Variants in NEK8 observed in about 807,000 individuals in gnomAD.
The protein encoded by NEK8 is NIMA related kinase 8.
A neutral mutation model predicts 77.2 loss-of-function variants in NEK8; 51 were observed. The observed-to-expected ratio is 0.66, with a 90% CI of 0.53 to 0.83. NEK8 has a LOEUF of 0.83. Among genes scored for constraint, NEK8 ranks in the 40% least tolerant of loss-of-function variants. The pLI, the probability that NEK8 is intolerant of heterozygous loss-of-function variation, is 0.00. For synonymous variants in NEK8, 365 were observed against 363.2 expected, an observed-to-expected ratio of 1.00 and a Z score of -0.06; for missense variants, 787 against 909.2, an observed-to-expected ratio of 0.87 and a Z score of 1.73.
chr17:28,734,988 A>G lies in NEK8; in HGVS notation c.470A>G (p.Lys157Arg). The change falls in exon 3 of 15, where the codon AAG (lysine) becomes AGG (arginine). Residue 157 changes from lysine to arginine, a missense_variant. Physicochemically the swap from Lys to Arg is conservative, Grantham distance 26. This residue lies in a region of NEK8 where 271 missense variants were observed against 365.1 expected (regional missense o/e 0.74). Coordinates refer to ENST00000268766, the MANE Select transcript of NEK8 (RefSeq NM_178170.3). ...GGCATCTCCAAGATCCTTAGCAGCA[A>G]GAGCAAGGCCTACACGGTGCCTGGG... Reference protein sequence around the residue: ...DFGISKILSSKSKAYTVVGTP... With the variant: ...DFGISKILSSRSKAYTVVGTP... The G allele has an allele frequency of 1.2e-6, 2 of 1,612,136 alleles. No homozygotes were observed. The highest frequency in any genetic ancestry group is 1.7e-6 in the Non-Finnish European group (2 of 1,179,634).
In NEK8 at chr17:28,737,688, G is replaced by A. The variant is rs746614881; in HGVS notation, c.841G>A (p.Val281Met). ...SVRMRRAEKS[V>M]APSNTGSRTT... is the part of the protein sequence containing the mutation. The stretch of plus-strand genomic sequence containing the variant: ...TCTGTCCTGCAGGGCAGAGAAGTCC[G>A]TGGCCCCCAGCAACACAGGGAGCAG... The change falls in exon 6 of 15, where the codon GTG (valine) becomes ATG (methionine). Residue 281 changes from valine (V) to methionine (M), a missense_variant. This residue lies in a region of NEK8 where 271 missense variants were observed against 365.1 expected (regional missense o/e 0.74). Coordinates refer to ENST00000268766, the MANE Select transcript of NEK8 (RefSeq NM_178170.3). The surrounding 1 kb of genome is among the most constrained non-coding windows in gnomAD (Gnocchi z 4.8). The A allele has an allele frequency of 2.3e-5, 37 of 1,614,056 alleles. No individual in the cohort carries two copies. Among genetic ancestry groups the A allele is most frequent in the Admixed American group, 6.7e-5 (4 of 60,000 alleles).
Position 28,740,395 on chromosome 17 carries a change from G to T in NEK8, c.1418-68G>T, listed in dbSNP as rs1018333422. On this transcript the variant is annotated intron_variant, in intron 10 of 14. Coordinates refer to ENST00000268766, the MANE Select transcript of NEK8 (RefSeq NM_178170.3). This position sits in a 1 kb window ranked among gnomAD's most constrained non-coding sequence, Gnocchi z 4.7. Reference sequence around the variant, plus strand: ...CTCATGCTGTTCCCTCCCCTCAGTGGGCCCTCCTCATTCGGGCATCACCCC... The same window carrying T: ...CTCATGCTGTTCCCTCCCCTCAGTGTGCCCTCCTCATTCGGGCATCACCCC... 2.9e-5 allele frequency: 40 copies of T among 1,384,084 alleles called. No individual in the cohort carries two copies. The highest frequency in any genetic ancestry group is 4.6e-5 in the South Asian group (4 of 86,160). 85.7% of individuals were successfully genotyped at this position (1,384,084 alleles called of 1,614,324 possible).
chr17:28,737,978 C>A lies in NEK8; in HGVS notation c.1049C>A (p.Ser350Tyr). Reference sequence around the variant, plus strand: ...ACGCAGAAAGCCGGCGTCACGCGCTCTGGGCGTCTCATCCTGTGGGAGGTG... The same window carrying A: ...ACGCAGAAAGCCGGCGTCACGCGCTATGGGCGTCTCATCCTGTGGGAGGTG... ...GRTQKAGVTR[S>Y]GRLILWEAPP... The change falls in exon 7 of 15, where the codon TCT (serine) becomes TAT (tyrosine). Residue 350 changes from serine to tyrosine, a missense_variant. This residue lies in a region of NEK8 where 516 missense variants were observed against 544.0 expected (regional missense o/e 0.95). Coordinates refer to ENST00000268766, the MANE Select transcript of NEK8 (RefSeq NM_178170.3). This position sits in a 1 kb window ranked among gnomAD's most constrained non-coding sequence, Gnocchi z 4.8. 1 of 1,611,948 alleles carries A rather than the reference C, an allele frequency of 6.2e-7. No individual in the cohort carries two copies. Among genetic ancestry groups the A allele is most frequent in the Non-Finnish European group, 8.5e-7 (1 of 1,178,776 alleles).
In NEK8 at chr17:28,737,823, C is replaced by G; in HGVS notation, c.894C>G (p.Ile298Met). ...CCCCATGCACTGTACCTGCAGGTAT[C>G]CCCCGGGGACCTGTGAGGCCAGCCA... The part of the protein sequence containing the change: ...SRTTSVRCRG[I>M]PRGPVRPAIP... Residue 298 changes from isoleucine to methionine, a missense_variant, in exon 7 of 15, where the codon ATC becomes ATG. Ile to Met is a conservative substitution (Grantham distance 10). This residue lies in a region of NEK8 where 516 missense variants were observed against 544.0 expected (regional missense o/e 0.95). Transcript: ENST00000268766. This position sits in a 1 kb window ranked among gnomAD's most constrained non-coding sequence, Gnocchi z 4.8. The G allele has an allele frequency of 6.2e-7, 1 of 1,614,112 alleles. No individual in the cohort carries two copies.
At chr17:28,739,316 C>G in intron 10 of NEK8, 115 bp downstream of exon 10, 1 of 804,010 alleles carries the variant, frequency 1.2e-6, no homozygotes, top group Admixed American at 1.7e-5. Context: ...CTCTCAAATT[C>G]TCTTCATTCA....
At chr17:28,734,643 T>C in intron 2 of NEK8, 129 bp from the exon 3 acceptor site, 1 of 690,750 alleles carries the variant, frequency 1.4e-6, no homozygotes, top group South Asian at 1.7e-5. Flanking sequence ...GCTGAGATCA[T>C]GCCACTGCAC....
At chr17:28,730,998 AT>A (rs1342233699) in intron 1 of NEK8, among the ~76,000 whole-genome samples, 7 of 152,104 alleles carry the variant, frequency 4.6e-5, no homozygotes, top group African/African-American at 1.7e-4. Flanking sequence ...CAGGCCTGTA[AT>A]TCTAGCACTT....
chr17:28,739,602 C>G (rs143617610), intron 10 of NEK8, among the ~76,000 whole-genome samples: 237 of 152,338 alleles, frequency 1.6e-3, no homozygotes, highest in African/African-American at 5.4e-3. Context: ...GCACCCGCCA[C>G]CGCGCCCAGC....
At chr17:28,729,271 AG>A (rs2034282275) in intron 1 of NEK8, among the ~76,000 whole-genome samples, 1 of 152,240 alleles carries the variant, frequency 6.6e-6, no homozygotes, top group Admixed American at 6.5e-5. Context: ...TGTTATTAGC[AG>A]GTTGTGAGGA....
rs190836699 is a variant in NEK8, at chr17:28,734,917, C to T, written c.399C>T (p.Asn133=). Residue 133 remains asparagine, a synonymous_variant, in exon 3 of 15, where the codon AAC becomes AAT. Coordinates refer to ENST00000268766, the MANE Select transcript of NEK8 (RefSeq NM_178170.3). ...TGCACCGAGACCTCAAGACCCAGAA[C>T]ATCCTGCTTGACAAACACCGCATGG... ...LILHRDLKTQ[N]ILLDKHRMVV... is the part of the protein sequence containing the mutation. 3.2e-5 allele frequency: 51 copies of T among 1,613,892 alleles called. No individual in the cohort carries two copies. Among genetic ancestry groups the T allele is most frequent in the Non-Finnish European group, 4.2e-5 (49 of 1,180,022 alleles).
At chr17:28,729,504 C>T (rs1013765477) in intron 1 of NEK8, among the ~76,000 whole-genome samples, 3 of 151,178 alleles carry the variant, frequency 2.0e-5, no homozygotes, top group South Asian at 4.2e-4. Flanking sequence ...TACAGGCGTG[C>T]GCCACCATGC....
intron 1 of NEK8, chr17:28,733,040 A>ATTTTT (rs775027864): frequency 1.6e-5 from 2 of 123,072 alleles, no homozygotes; most frequent in Non-Finnish European, 1.7e-5. Flanking sequence ...TGCTCAGCTA[A>ATTTTT]TTTTTTTTTT....
chr17:28,734,118 C>CA lies in NEK8; in HGVS notation c.185dup (p.Asn62LysfsTer4), dbSNP rs771147281. On this transcript the variant is annotated frameshift_variant, in exon 2 of 15. Coordinates refer to ENST00000268766, the MANE Select transcript of NEK8 (RefSeq NM_178170.3). LOFTEE classifies it high-confidence loss of function. ...AGGTCCTCAAGCTGCTCAACCACCCCAATGTCATTGAGTACTACGAGAACT... is the reference window on the plus strand; with the variant it reads ...AGGTCCTCAAGCTGCTCAACCACCCCAAATGTCATTGAGTACTACGAGAACT... The CA allele has an allele frequency of 6.2e-7, 1 of 1,614,060 alleles. No individual in the cohort carries two copies. The highest frequency in any genetic ancestry group is 1.1e-5 in the South Asian group (1 of 91,078).
intron 1 of NEK8, among the ~76,000 whole-genome samples, chr17:28,729,805 C>T (rs1567757835): frequency 6.6e-6 from 1 of 152,266 alleles, no homozygotes; most frequent in Admixed American, 6.5e-5. Flanking sequence ...GCCGGCCTCC[C>T]TAAGTGCTGG....
chr17:28,735,059 C>A, intron 3 of NEK8, 55 bp downstream of exon 3: 1 of 1,516,690 alleles, frequency 6.6e-7, no homozygotes, highest in Non-Finnish European at 9.1e-7. Context: ...GGGCCAGGAC[C>A]TAACCCTGCC....
At chr17:28,732,320 G>A (rs1287553432) in intron 1 of NEK8, among the ~76,000 whole-genome samples, 1 of 151,800 alleles carries the variant, frequency 6.6e-6, no homozygotes, top group Non-Finnish European at 1.5e-5. Flanking sequence ...AAAAATAAAT[G>A]TCATTCTGGT....
At position 28,738,823 on chromosome 17, in the gene NEK8, T is replaced by C. The variant is rs868741735; in HGVS notation, c.1299+76T>C. 7.0e-5 allele frequency: 85 copies of C among 1,219,654 alleles called. 1 individual carries two copies. The Middle Eastern group carries it at 7.8e-4, about 11-fold the overall frequency. The allele number at this position is 1,219,654 out of a possible 1,614,324, so 75.6% of individuals were successfully genotyped here. A position where few individuals can be genotyped will look rare whatever the true frequency, so the allele number is the denominator to read the frequency against. ...CCCACATCTGTGAGTTGACACCAGA[T>C]TGGGGGCAGGGGAGTTCCCAGCAAC... On this transcript the variant is annotated intron_variant, in intron 9 of 14. Transcript: ENST00000268766.
chr17:28,738,671 A>G lies in NEK8; in HGVS notation c.1223A>G (p.Asp408Gly). 6.2e-7 allele frequency: 1 copy of G among 1,613,980 alleles called. No homozygotes were observed. Among genetic ancestry groups the G allele is most frequent in the Non-Finnish European group, 8.5e-7 (1 of 1,179,824 alleles). Reference sequence around the variant, plus strand: ...CCTTCCTCACTGCCCTTCTCCCCAGACAGAGGCATCATCATGACATTCGGC... The same window carrying G: ...CCTTCCTCACTGCCCTTCTCCCCAGGCAGAGGCATCATCATGACATTCGGC... ...CGDFFTACLT[D>G]RGIIMTFGSG... Residue 408 changes from aspartate (D) to glycine (G), a missense_variant and splice_region_variant, in exon 9 of 15, where the codon GAC (aspartate) becomes GGC (glycine). Physicochemically the swap from Asp to Gly is moderately conservative, Grantham distance 94. This residue lies in a region of NEK8 where 516 missense variants were observed against 544.0 expected (regional missense o/e 0.95). Coordinates refer to ENST00000268766, the MANE Select transcript of NEK8 (RefSeq NM_178170.3).
chr17:28,740,283 C>G lies in NEK8; in HGVS notation c.1418-180C>G, dbSNP rs549363295. ...TTGGCGACAGAGTGAGACTCAGTCT[C>G]GAAAAATAAAAATAAAAAATAAAGA... is the stretch of plus-strand genomic sequence containing the variant. On this transcript the variant is annotated intron_variant, in intron 10 of 14. Coordinates refer to ENST00000268766, the MANE Select transcript of NEK8 (RefSeq NM_178170.3). This position sits in a 1 kb window ranked among gnomAD's most constrained non-coding sequence, Gnocchi z 4.7. 1.3e-5 allele frequency among the ~76,000 whole-genome samples: 2 copies of G among 151,712 alleles called. No homozygotes were observed. The highest frequency in any genetic ancestry group is 1.3e-4 in the Admixed American group (2 of 15,238).
Sources: gnomAD v4.1 joint callset for allele counts (sites outside exome capture counted in the v4.1 genomes callset) on GRCh38, gnomAD v4.1.1 for gene constraint, gnomAD v4.1.1 regional missense constraint, Gnocchi (gnomAD v3.1) non-coding constraint, MANE v1.5 for transcripts, NCBI Gene and HGNC (gene_info 2026-07-23, HGNC 2026-07-21) for gene names.